Variants in SMYD3 observed in about 807,000 individuals in gnomAD.
SMYD3 encodes the protein histone-lysine N-methyltransferase SMYD3.
In SMYD3, 36 loss-of-function variants were observed where a neutral mutation model predicts 57.7. That is an observed-to-expected ratio of 0.62 (90% CI 0.48 to 0.82). SMYD3 has a LOEUF of 0.82. Among genes scored for constraint, SMYD3 ranks in the 40% least tolerant of loss-of-function variants. SMYD3 has a pLI of 0.00. For missense variants in SMYD3, 515 were observed against 538.8 expected, an observed-to-expected ratio of 0.96 and a Z score of 0.44; for synonymous variants, 211 against 195.0, an observed-to-expected ratio of 1.08 and a Z score of -0.68.
At position 246,507,041 on chromosome 1, in the gene SMYD3, G is replaced by A. The variant is rs1167386340; in HGVS notation, c.164+13C>T. 2 of 1,474,424 alleles carry A rather than the reference G, an allele frequency of 1.4e-6. No homozygotes were observed. The highest frequency in any genetic ancestry group is 1.8e-6 in the Non-Finnish European group (2 of 1,108,320). 91.3% of individuals were successfully genotyped at this position (1,474,424 alleles called of 1,614,324 possible). ...GCTCGCGACTCAGGTAGGCGAGGGC[G>A]CTCCTTACGCACCCGAGAAGGCAGC... On this transcript the variant is annotated intron_variant, in intron 1 of 11. Coordinates refer to ENST00000490107, the MANE Select transcript of SMYD3 (RefSeq NM_001167740.2).
intron 5 of SMYD3, among the ~76,000 whole-genome samples, chr1:246,036,068 T>A (rs2059767920): frequency 6.6e-6 from 1 of 152,184 alleles, no homozygotes. Context: ...TGATTTTAAG[T>A]ATGTTGAAGA....
chr1:246,296,690 C>T (rs973149649), intron 5 of SMYD3, among the ~76,000 whole-genome samples: 2 of 152,116 alleles, frequency 1.3e-5, no homozygotes, highest in African/African-American at 4.8e-5. Context: ...TCCGAAAAGA[C>T]ATTTGTTAAA....
At chr1:246,115,203 C>T (rs1354814521) in intron 5 of SMYD3, among the ~76,000 whole-genome samples, 3 of 152,236 alleles carry the variant, frequency 2.0e-5, no homozygotes. Context: ...AGCCCATGCA[C>T]ATGAACATAC....
At chr1:246,259,733 G>C (rs769890366) in intron 5 of SMYD3, among the ~76,000 whole-genome samples, 1 of 152,222 alleles carries the variant, frequency 6.6e-6, no homozygotes, top group Non-Finnish European at 1.5e-5. Flanking sequence ...CCAAGGGCAT[G>C]GGGCCAGACT....
At chr1:245,873,094 C>T (rs978857489) in intron 8 of SMYD3, among the ~76,000 whole-genome samples, 1 of 152,230 alleles carries the variant, frequency 6.6e-6, no homozygotes, top group Non-Finnish European at 1.5e-5. Context: ...GTCAGTGGTG[C>T]TTGCTAAAAA....
chr1:246,501,310 C>A (rs2068452720), intron 1 of SMYD3, among the ~76,000 whole-genome samples: 1 of 152,186 alleles, frequency 6.6e-6, no homozygotes, highest in African/African-American at 2.4e-5. Context: ...TGTGAGAATT[C>A]TGCCTTTGCT....
At chr1:246,498,952 A>C (rs939597359) in intron 1 of SMYD3, among the ~76,000 whole-genome samples, 2 of 151,086 alleles carry the variant, frequency 1.3e-5, no homozygotes, top group Admixed American at 1.3e-4. Context: ...CATCCCACCC[A>C]GATAATTTTT....
chr1:245,895,301 C>T (rs905325811), intron 8 of SMYD3, among the ~76,000 whole-genome samples: 1 of 152,292 alleles, frequency 6.6e-6, no homozygotes, highest in South Asian at 2.1e-4. Flanking sequence ...GGAATGAACA[C>T]ACGCACACGC....
rs529984087 is a variant in SMYD3 at position 245,877,455 on chromosome 1, C to T, written c.814-13569G>A. ...AATCTCTATGTTTTTCAAATATTTA[C>T]GTGGAAAATACACTTGCAGGTGGGA... On this transcript the variant is annotated intron_variant, in intron 8 of 11. Transcript: ENST00000490107. Among the ~76,000 whole-genome samples the T allele has an allele frequency of 1.1e-4, 17 of 152,266 alleles. No homozygotes were observed. The East Asian group carries it at 2.3e-3, about 21-fold the overall frequency.
At chr1:245,804,203 G>A (rs764672427) in intron 10 of SMYD3, among the ~76,000 whole-genome samples, 60 of 152,094 alleles carry the variant, frequency 3.9e-4, no homozygotes, top group Non-Finnish European at 1.8e-4. Context: ...GAGGCACCGC[G>A]CCCAGCTGAG....
rs76634795 is a variant in SMYD3 at position 246,145,042 on chromosome 1, T to C, written c.531+182159A>G. Among the ~76,000 whole-genome samples the C allele has an allele frequency of 5.5e-4, 84 of 152,328 alleles. 1 individual carries two copies. The highest frequency in any genetic ancestry group is 2.0e-3 in the African/African-American group (82 of 41,570). On this transcript the variant is annotated intron_variant, in intron 5 of 11. Transcript: ENST00000490107. ...GTCTTTCTTCTTTCTTTAGACAAGG[T>C]CTCACTGTGTTGCTCAGGCTGGAGT... is the stretch of plus-strand genomic sequence containing the variant.
chr1:245,996,967 T>C (rs1008193767), intron 5 of SMYD3, among the ~76,000 whole-genome samples: 1 of 152,232 alleles, frequency 6.6e-6, no homozygotes, highest in African/African-American at 2.4e-5. Flanking sequence ...TTCTGATTTA[T>C]GAATTGGCAC....
chr1:245,758,512 T>C (rs917365446), intron 11 of SMYD3, among the ~76,000 whole-genome samples: 3 of 152,214 alleles, frequency 2.0e-5, no homozygotes, highest in African/African-American at 7.2e-5. Context: ...TTTTCTTCAG[T>C]ATTTTTTTCT....
chr1:246,415,650 T>C (rs1186719664), intron 1 of SMYD3, among the ~76,000 whole-genome samples: 5 of 152,094 alleles, frequency 3.3e-5, no homozygotes, highest in East Asian at 1.9e-4. Context: ...ACTCAAACTA[T>C]TGGGCTCAAG....
intron 5 of SMYD3, among the ~76,000 whole-genome samples, chr1:246,114,169 C>T (rs937981588): frequency 3.3e-5 from 5 of 152,138 alleles, no homozygotes; most frequent in African/African-American, 1.2e-4. Context: ...GAGACATTTC[C>T]GTGTCCAGCC....
intron 5 of SMYD3, among the ~76,000 whole-genome samples, chr1:246,174,023 T>C (rs1443126025): frequency 6.6e-6 from 1 of 152,112 alleles, no homozygotes; most frequent in African/African-American, 2.4e-5. Flanking sequence ...CTACTCAGAT[T>C]GGTCTCAAAC....
At chr1:245,874,448 G>C (rs956942104) in intron 8 of SMYD3, among the ~76,000 whole-genome samples, 6 of 152,148 alleles carry the variant, frequency 3.9e-5, no homozygotes, top group African/African-American at 1.2e-4. Context: ...TCTAGACATA[G>C]CTTTTTAGGA....
At chr1:246,127,671 G>A (rs538017350) in intron 5 of SMYD3, among the ~76,000 whole-genome samples, 1 of 152,176 alleles carries the variant, frequency 6.6e-6, no homozygotes, top group Non-Finnish European at 1.5e-5. Flanking sequence ...TGAGGCGGGT[G>A]GATCACCTGA....
intron 5 of SMYD3, among the ~76,000 whole-genome samples, chr1:246,105,126 T>G (rs28581979): frequency 0.064 from 9,682 of 152,076 alleles, 433 homozygotes; most frequent in East Asian, 0.11. Flanking sequence ...GCCAAGATGA[T>G]GACACATCAC....
Sources: gnomAD v4.1 joint callset for allele counts (sites outside exome capture counted in the v4.1 genomes callset) on GRCh38, gnomAD v4.1.1 for gene constraint, MANE v1.5 for transcripts, NCBI Gene and HGNC (gene_info 2026-07-23, HGNC 2026-07-21) for gene names.